Variants in APBA2 observed in about 807,000 individuals in gnomAD.
APBA2 encodes amyloid-beta A4 precursor protein-binding family A member 2.
A neutral mutation model predicts 75.0 loss-of-function variants in APBA2; 30 were observed. The ratio of observed to expected loss-of-function variants is 0.40; its 90% confidence interval spans 0.30 to 0.54. The LOEUF (loss-of-function observed/expected upper bound fraction) is 0.54, where lower values mean the gene tolerates loss of function less well. Among genes scored for constraint, APBA2 ranks in the 20% least tolerant of loss-of-function variants. APBA2 has a pLI of 0.49. For missense variants in APBA2, 801 were observed against 1,016.1 expected, an observed-to-expected ratio of 0.79 and a Z score of 2.88; for synonymous variants, 444 against 409.6, an observed-to-expected ratio of 1.08 and a Z score of -1.01.
chr15:29,112,798 C>T (rs1401483872), intron 13 of APBA2, among the ~76,000 whole-genome samples: 2 of 152,292 alleles, frequency 1.3e-5, no homozygotes, highest in South Asian at 4.1e-4. Flanking sequence ...GGCCACTGCG[C>T]TCTCCTGCAC....
Position 29,011,856 on chromosome 15 carries a change from T to C in APBA2, c.-41+16050T>C, listed in dbSNP as rs139458465. 2.6e-3 allele frequency among the ~76,000 whole-genome samples: 401 copies of C among 152,378 alleles called. 1 individual carries two copies. The highest frequency in any genetic ancestry group is 9.2e-3 in the African/African-American group (381 of 41,594). ...GCATTTAACTAGATACATATAAATT[T>C]AGAATTTATTCCTAGTAGGTTGCCC... On this transcript the variant is annotated intron_variant, in intron 3 of 14. Coordinates refer to ENST00000683413, the MANE Select transcript of APBA2 (RefSeq NM_001353788.2).
At chr15:28,915,977 G>T (rs1388524757) in intron 1 of APBA2, among the ~76,000 whole-genome samples, 1 of 151,834 alleles carries the variant, frequency 6.6e-6, no homozygotes, top group South Asian at 2.1e-4. Context: ...TGTATCTGAC[G>T]CACACAGCAC....
At chr15:29,112,991 T>G (rs1376702652) in intron 13 of APBA2, among the ~76,000 whole-genome samples, 1 of 152,194 alleles carries the variant, frequency 6.6e-6, no homozygotes, top group Non-Finnish European at 1.5e-5. Flanking sequence ...TGCAGCATAG[T>G]GTCCCCGAGG....
At chr15:29,036,993 C>T (rs1482966889) in intron 3 of APBA2, among the ~76,000 whole-genome samples, 10 of 150,976 alleles carry the variant, frequency 6.6e-5, no homozygotes, top group Non-Finnish European at 1.3e-4. Flanking sequence ...CCACTCCAGC[C>T]TGGATAACAG....
intron 3 of APBA2, among the ~76,000 whole-genome samples, chr15:29,030,974 T>G (rs1470152556): frequency 6.6e-6 from 1 of 152,228 alleles, no homozygotes; most frequent in East Asian, 1.9e-4. Context: ...CATGATGCTC[T>G]TGGTGGATTA....
chr15:29,001,683 TG>T (rs914276443), intron 3 of APBA2, among the ~76,000 whole-genome samples: 1 of 152,246 alleles, frequency 6.6e-6, no homozygotes, highest in Non-Finnish European at 1.5e-5. Context: ...GACAAGGAGC[TG>T]GCTGTTACTA....
intron 2 of APBA2, among the ~76,000 whole-genome samples, chr15:28,978,412 C>A (rs552134195): frequency 6.6e-6 from 1 of 152,304 alleles, no homozygotes; most frequent in East Asian, 1.9e-4. Context: ...GCCGCCAGAG[C>A]TAAGGGGGTG....
chr15:29,114,007 G>C lies in APBA2; in HGVS notation c.2169G>C (p.Ser723=). ...AGATAGTCCAAGCTCTGTCCAACTC[G>C]GTCGGAGAGGTAAGGAGGGACTTTG... ...HEKIVQALSN[S]VGEIHMKTMP... The change falls in exon 14 of 15, where the codon TCG becomes TCC. Residue 723 remains serine, a synonymous_variant. Coordinates refer to ENST00000683413, the MANE Select transcript of APBA2 (RefSeq NM_001353788.2). 6.2e-7 allele frequency: 1 copy of C among 1,613,786 alleles called. No individual in the cohort carries two copies. The highest frequency in any genetic ancestry group is 8.5e-7 in the Non-Finnish European group (1 of 1,180,016).
At chr15:28,959,374 G>T (rs565705937) in intron 2 of APBA2, among the ~76,000 whole-genome samples, 1 of 152,360 alleles carries the variant, frequency 6.6e-6, no homozygotes, top group South Asian at 2.1e-4. Context: ...ACTGTATTTG[G>T]AGAGAGGGTC....
At chr15:28,989,121 T>C (rs2038083215) in intron 2 of APBA2, among the ~76,000 whole-genome samples, 1 of 152,242 alleles carries the variant, frequency 6.6e-6, no homozygotes, top group African/African-American at 2.4e-5. Flanking sequence ...TGACTGGCCA[T>C]ATCTTTTGCA....
At chr15:28,891,014 GA>G (rs1455841969) in intron 1 of APBA2, among the ~76,000 whole-genome samples, 2 of 151,794 alleles carry the variant, frequency 1.3e-5, no homozygotes, top group East Asian at 1.9e-4. Flanking sequence ...AAAGTTAAGA[GA>G]AAAAAAATAT....
At chr15:29,017,652 T>C (rs1005107523) in intron 3 of APBA2, among the ~76,000 whole-genome samples, 1 of 152,190 alleles carries the variant, frequency 6.6e-6, no homozygotes, top group African/African-American at 2.4e-5. Flanking sequence ...ATTACAGGCA[T>C]GCGCCAATGT....
At position 29,117,379 on chromosome 15, in the gene APBA2, T is replaced by G. The variant is rs1410906638; in HGVS notation, c.*246T>G. On this transcript the variant is annotated 3_prime_UTR_variant, in exon 15 of 15. Transcript: ENST00000683413. ...AAGCGTTCCAAGTATTTTGCCACGT[T>G]CTGGACTGTCTTCTCCCTGCACAAG... is the stretch of plus-strand genomic sequence containing the variant. 1.7e-6 allele frequency: 1 copy of G among 573,448 alleles called. No individual in the cohort carries two copies. Among genetic ancestry groups the G allele is most frequent in the Non-Finnish European group, 3.1e-6 (1 of 320,210 alleles). The allele number at this position is 573,448 out of a possible 1,614,324, so 35.5% of individuals were successfully genotyped here.
chr15:29,023,962 G>C (rs2040088140), intron 3 of APBA2, among the ~76,000 whole-genome samples: 1 of 149,604 alleles, frequency 6.7e-6, no homozygotes, highest in Non-Finnish European at 1.5e-5. Context: ...GGAGTACAGT[G>C]GCATGATCTC....
intron 3 of APBA2, among the ~76,000 whole-genome samples, chr15:29,051,445 G>A (rs577574342): frequency 1.3e-5 from 2 of 152,100 alleles, no homozygotes; most frequent in Admixed American, 1.3e-4. Flanking sequence ...CCTGAAACAC[G>A]GCCATGGACA....
At chr15:28,986,030 G>C (rs2037908370) in intron 2 of APBA2, among the ~76,000 whole-genome samples, 1 of 152,160 alleles carries the variant, frequency 6.6e-6, no homozygotes, top group African/African-American at 2.4e-5. Flanking sequence ...GCATATGCTT[G>C]TTTGGCCTAA....
intron 2 of APBA2, among the ~76,000 whole-genome samples, chr15:28,943,790 G>T (rs2035376597): frequency 6.6e-6 from 1 of 151,514 alleles, no homozygotes. Flanking sequence ...CCCTCCTTGG[G>T]CTGTGGCTGC....
At position 28,991,921 on chromosome 15, in the gene APBA2, G is replaced by A. The variant is rs376582434; in HGVS notation, c.-94-3832G>A. On this transcript the variant is annotated intron_variant, in intron 2 of 14. Coordinates refer to ENST00000683413, the MANE Select transcript of APBA2 (RefSeq NM_001353788.2). The surrounding 1 kb of genome is among the most constrained non-coding windows in gnomAD (Gnocchi z 4.7). ...GCCGAGTGCCAGCCCCTTAGCAAGT[G>A]CAGCGTTGCCCATTTCACTCTGGGA... is the stretch of plus-strand genomic sequence containing the variant. 3.0e-4 allele frequency among the ~76,000 whole-genome samples: 45 copies of A among 152,190 alleles called. No individual in the cohort carries two copies. The highest frequency in any genetic ancestry group is 1.0e-3 in the African/African-American group (42 of 41,450).
intron 6 of APBA2, among the ~76,000 whole-genome samples, chr15:29,088,402 AC>A (rs2043392178): frequency 1.3e-5 from 2 of 152,222 alleles, no homozygotes; most frequent in Admixed American, 1.3e-4. Context: ...GGCTCCTGCC[AC>A]TAAACTTGCC....
Sources: gnomAD v4.1 joint callset for allele counts (sites outside exome capture counted in the v4.1 genomes callset) on GRCh38, gnomAD v4.1.1 for gene constraint, Gnocchi (gnomAD v3.1) non-coding constraint, MANE v1.5 for transcripts, NCBI Gene and HGNC (gene_info 2026-07-23, HGNC 2026-07-21) for gene names.